The following TRPC4 variants were observed in gnomAD, a reference collection of about 807,000 sequenced individuals.
TRPC4 encodes short transient receptor potential channel 4.
A neutral mutation model predicts 99.4 loss-of-function variants in TRPC4; 49 were observed. The ratio of observed to expected loss-of-function variants is 0.49; its 90% CI spans 0.39 to 0.63. TRPC4 has a LOEUF of 0.63. Ranked by LOEUF, TRPC4 falls within the 20% of genes least tolerant of loss-of-function variation. TRPC4 has a pLI of 0.00. For missense variants in TRPC4, 898 were observed against 1,152.9 expected, an observed-to-expected ratio of 0.78 and a Z score of 3.20; for synonymous variants, 454 against 425.9, an observed-to-expected ratio of 1.07 and a Z score of -0.81.
chr13:37,831,097 T>TA, intron 1 of TRPC4, among the ~76,000 whole-genome samples: 1 of 142,204 alleles, frequency 7.0e-6, no homozygotes, highest in African/African-American at 3.1e-5. Flanking sequence ...TACAGAAGAA[T>TA]TTTTTTTTCA....
intron 3 of TRPC4, among the ~76,000 whole-genome samples, chr13:37,719,763 T>A (rs1300809258): frequency 6.6e-6 from 1 of 151,728 alleles, no homozygotes; most frequent in Non-Finnish European, 1.5e-5. Flanking sequence ...GAGGGTATTG[T>A]GGCAGACAGA....
At chr13:37,719,337 G>C (rs1593582521) in intron 3 of TRPC4, among the ~76,000 whole-genome samples, 1 of 152,074 alleles carries the variant, frequency 6.6e-6, no homozygotes, top group East Asian at 1.9e-4. Context: ...GACAGAGTGA[G>C]ACCATGTCTT....
intron 3 of TRPC4, among the ~76,000 whole-genome samples, chr13:37,743,334 A>G (rs1955646051): frequency 6.6e-6 from 1 of 152,152 alleles, no homozygotes; most frequent in Admixed American, 6.6e-5. Context: ...AAACATCTTG[A>G]GAGAAGTGTT....
chr13:37,689,720 G>A (rs1384473461), intron 4 of TRPC4, among the ~76,000 whole-genome samples: 1 of 152,212 alleles, frequency 6.6e-6, no homozygotes, highest in African/African-American at 2.4e-5. Flanking sequence ...TCTGTTAGAA[G>A]CTTGGTGTGT....
chr13:37,722,789 C>T (rs1438938239), intron 3 of TRPC4, among the ~76,000 whole-genome samples: 1 of 151,276 alleles, frequency 6.6e-6, no homozygotes, highest in Non-Finnish European at 1.5e-5. Context: ...AGTAAATAAA[C>T]ACTTACTATT....
intron 3 of TRPC4, 116 bp downstream of exon 3, chr13:37,745,821 A>T: frequency 9.1e-7 from 1 of 1,102,958 alleles, no homozygotes; most frequent in Non-Finnish European, 1.3e-6. Context: ...AATGTCATCC[A>T]CTTACAGCTG....
intron 1 of TRPC4, among the ~76,000 whole-genome samples, chr13:37,825,669 T>G (rs1410790326): frequency 3.5e-5 from 5 of 142,928 alleles, no homozygotes; most frequent in South Asian, 4.7e-4. Context: ...CTTTTACATT[T>G]GCTGAGGAGA....
intron 1 of TRPC4, among the ~76,000 whole-genome samples, chr13:37,811,277 A>G (rs1464541598): frequency 6.6e-6 from 1 of 152,174 alleles, no homozygotes; most frequent in East Asian, 1.9e-4. Flanking sequence ...TCCAGCCAAG[A>G]GAATACACTC....
intron 1 of TRPC4, among the ~76,000 whole-genome samples, chr13:37,797,008 A>AAAGTAAAGGAAAGTAAAGTAAAGTAAAG (rs1566178222): frequency 1.1e-5 from 1 of 94,460 alleles, no homozygotes; most frequent in African/African-American, 4.6e-5. Flanking sequence ...GTAAAGTAAA[A>AAAGTAAAGGAAAGTAAAGTAAAGTAAAG]TAAAATAAAA....
chr13:37,697,874 TAATTCAGTGTA>T (rs1187569059), intron 3 of TRPC4, among the ~76,000 whole-genome samples: 1 of 152,184 alleles, frequency 6.6e-6, no homozygotes, highest in Non-Finnish European at 1.5e-5. Context: ...AGAGTAGTTT[TAATTCAGTGTA>T]AATATATATT....
chr13:37,708,121 T>C (rs148518556), intron 3 of TRPC4, among the ~76,000 whole-genome samples: 19 of 152,262 alleles, frequency 1.2e-4, no homozygotes, highest in African/African-American at 4.3e-4. Context: ...TGATAGTAAA[T>C]AGAATTAAAA....
chr13:37,867,528 G>A (rs1013929249), intron 1 of TRPC4, among the ~76,000 whole-genome samples: 4 of 151,966 alleles, frequency 2.6e-5, no homozygotes, highest in Non-Finnish European at 5.9e-5. Flanking sequence ...AAATGTAATT[G>A]TCTTTATCAC....
At chr13:37,674,881 A>G (rs1952991930) in intron 4 of TRPC4, among the ~76,000 whole-genome samples, 1 of 152,190 alleles carries the variant, frequency 6.6e-6, no homozygotes, top group African/African-American at 2.4e-5. Context: ...CATTCATGAT[A>G]ATTCATTAAA....
chr13:37,731,434 C>A (rs9603252), intron 3 of TRPC4, among the ~76,000 whole-genome samples: 159 of 151,776 alleles, frequency 1.0e-3, no homozygotes, highest in African/African-American at 3.7e-3. Flanking sequence ...AAGTGCTAGA[C>A]AGAGACATAT....
chr13:37,817,205 G>T (rs1471566369), intron 1 of TRPC4, among the ~76,000 whole-genome samples: 2 of 151,758 alleles, frequency 1.3e-5, no homozygotes, highest in Non-Finnish European at 2.9e-5. Flanking sequence ...GGCAAAATTT[G>T]CTAACATTCC....
chr13:37,743,011 G>C (rs1269440121), intron 3 of TRPC4, among the ~76,000 whole-genome samples: 2 of 152,048 alleles, frequency 1.3e-5, no homozygotes, highest in Non-Finnish European at 2.9e-5. Context: ...GTAAATGCAA[G>C]ATACTCCAGA....
chr13:37,726,266 TAA>T (rs1021279481), intron 3 of TRPC4, among the ~76,000 whole-genome samples: 3 of 152,106 alleles, frequency 2.0e-5, no homozygotes, highest in Admixed American at 1.3e-4. Context: ...CTACATAATT[TAA>T]GAGACAAATG....
chr13:37,647,090 G>C (rs1392086129), intron 8 of TRPC4, among the ~76,000 whole-genome samples: 2 of 152,162 alleles, frequency 1.3e-5, no homozygotes, highest in Non-Finnish European at 2.9e-5. Flanking sequence ...GTATTACTGG[G>C]AAGCCATAAA....
At chr13:37,725,603 T>G (rs1955025981) in intron 3 of TRPC4, among the ~76,000 whole-genome samples, 1 of 151,812 alleles carries the variant, frequency 6.6e-6, no homozygotes, top group Non-Finnish European at 1.5e-5. Flanking sequence ...TACTACAAAA[T>G]TAAAAAAGAA....
Sources: gnomAD v4.1 joint callset for allele counts (sites outside exome capture counted in the v4.1 genomes callset) on GRCh38, gnomAD v4.1.1 for gene constraint, MANE v1.5 for transcripts, NCBI Gene and HGNC (gene_info 2026-07-23, HGNC 2026-07-21) for gene names.